The following RFC1 variants were observed in gnomAD, a reference collection of about 807,000 sequenced individuals.
RFC1 encodes replication factor C subunit 1, also known as A1 140 kDa subunit.
In RFC1, 37 loss-of-function variants were observed where a neutral mutation model predicts 137.4. That is an observed-to-expected ratio of 0.27 (90% CI 0.21 to 0.35). The LOEUF (loss-of-function observed/expected upper bound fraction) is 0.35, where lower values mean the gene tolerates loss of function less well. Ranked by LOEUF, RFC1 falls within the 10% of genes least tolerant of loss-of-function variation. The pLI is 1.00. For missense variants in RFC1, 1,205 were observed against 1,358.5 expected, an observed-to-expected ratio of 0.89 and a Z score of 1.78; for synonymous variants, 429 against 455.7, an observed-to-expected ratio of 0.94 and a Z score of 0.75.
At chr4:39,323,272 G>A (rs1362338538) in intron 7 of RFC1, 68 bp downstream of exon 7, 1 of 1,182,472 alleles carries the variant, frequency 8.5e-7, no homozygotes. Context: ...CTAGAGCCTA[G>A]AACACGCAAG....
rs1488617228 is a variant in RFC1, at chr4:39,308,907, C to T, written c.1614G>A (p.Leu538=). The change falls in exon 13 of 25, where the codon TTG becomes TTA. Residue 538 remains leucine, a synonymous_variant. Transcript: ENST00000349703. Reference sequence around the variant, plus strand: ...CTGTTTCCTTTTTTATTGTCTTTGCCAAACTGTCCCTTTTGGAAGTCGGCC... The same window carrying T: ...CTGTTTCCTTTTTTATTGTCTTTGCTAAACTGTCCCTTTTGGAAGTCGGCC... ...KSRPTSKRDS[L]AKTIKKETDV... 2 of 1,614,116 alleles carry T rather than the reference C, an allele frequency of 1.2e-6. No homozygotes were observed. The highest frequency in any genetic ancestry group is 1.7e-6 in the Non-Finnish European group (2 of 1,180,036).
chr4:39,354,457 C>G (rs968484943), intron 1 of RFC1, among the ~76,000 whole-genome samples: 2 of 152,142 alleles, frequency 1.3e-5, no homozygotes, highest in South Asian at 4.1e-4. Flanking sequence ...CTTGCCTGCA[C>G]AGAATAATTC....
At chr4:39,316,835 G>A in intron 10 of RFC1, 80 bp downstream of exon 10, 1 of 804,488 alleles carries the variant, frequency 1.2e-6, no homozygotes, top group Non-Finnish European at 2.1e-6. Context: ...ATCCTCTGCT[G>A]CTATAATCAT....
intron 2 of RFC1, among the ~76,000 whole-genome samples, chr4:39,348,745 C>G (rs1741035116): frequency 6.6e-6 from 1 of 152,140 alleles, no homozygotes; most frequent in South Asian, 2.1e-4. Context: ...TTGGTTTCAA[C>G]AGATGAGACA....
chr4:39,301,428 G>A (rs1738356728), intron 19 of RFC1, among the ~76,000 whole-genome samples: 1 of 152,172 alleles, frequency 6.6e-6, no homozygotes, highest in Non-Finnish European at 1.5e-5. Context: ...TGTCAACTAC[G>A]GACTCTGGGT....
At chr4:39,291,883 C>T in intron 22 of RFC1, 31 bp from the exon 23 acceptor site, 2 of 1,517,932 alleles carry the variant, frequency 1.3e-6, no homozygotes, top group Non-Finnish European at 1.8e-6. Context: ...ACATAGTCAA[C>T]AGCAAAGTAT....
intron 6 of RFC1, 74 bp from the exon 7 acceptor site, chr4:39,323,491 T>G: frequency 8.0e-7 from 1 of 1,244,842 alleles, no homozygotes; most frequent in East Asian, 2.4e-5. Context: ...AATGTCTGAT[T>G]CATATATTTA....
intron 22 of RFC1, 31 bp downstream of exon 22, chr4:39,295,582 TA>T (rs762417401): frequency 1.8e-4 from 283 of 1,553,334 alleles, no homozygotes; most frequent in Non-Finnish European, 1.8e-4. Context: ...ACCAAATCGA[TA>T]AAATACCCGA....
chr4:39,299,447 A>G (rs940858424), intron 21 of RFC1, among the ~76,000 whole-genome samples: 39 of 151,886 alleles, frequency 2.6e-4, no homozygotes, highest in African/African-American at 8.7e-4. Flanking sequence ...CCCTGTCGCT[A>G]CTAAAAATAC....
At chr4:39,324,693 G>A (rs1242546944) in intron 6 of RFC1, among the ~76,000 whole-genome samples, 2 of 152,212 alleles carry the variant, frequency 1.3e-5, no homozygotes, top group African/African-American at 4.8e-5. Flanking sequence ...CAATGGTTGA[G>A]TGAGACATAA....
At chr4:39,356,662 T>C (rs1464923022) in intron 1 of RFC1, among the ~76,000 whole-genome samples, 3 of 152,228 alleles carry the variant, frequency 2.0e-5, no homozygotes, top group African/African-American at 7.2e-5. Context: ...GTTTCTATAA[T>C]TGATTTTCTG....
intron 5 of RFC1, among the ~76,000 whole-genome samples, chr4:39,327,066 A>AATTT (rs1255550918): frequency 8.5e-5 from 13 of 152,182 alleles, no homozygotes; most frequent in Non-Finnish European, 2.9e-5. Flanking sequence ...CTTTCACCAT[A>AATTT]ATTTATCTGG....
At chr4:39,321,431 A>C (rs1739518768) in intron 7 of RFC1, 57 bp from the exon 8 acceptor site, 52 of 1,506,872 alleles carry the variant, frequency 3.5e-5, no homozygotes, top group Non-Finnish European at 4.5e-5. Context: ...TATTACCATA[A>C]AATCTGTTGT....
intron 1 of RFC1, among the ~76,000 whole-genome samples, chr4:39,362,457 A>ATATATCTATC (rs1300762078): frequency 6.6e-6 from 1 of 152,244 alleles, no homozygotes; most frequent in African/African-American, 2.4e-5. Flanking sequence ...TCAATGGAAC[A>ATATATCTATC]GAACTGGGAG....
chr4:39,326,506 A>G (rs764120920), intron 6 of RFC1, 57 bp downstream of exon 6: 89 of 1,406,932 alleles, frequency 6.3e-5, no homozygotes, highest in Non-Finnish European at 8.4e-5. Context: ...ACCTGGCTGG[A>G]CTAAATAGCT....
intron 22 of RFC1, among the ~76,000 whole-genome samples, chr4:39,292,658 A>C (rs1201933776): frequency 6.6e-6 from 1 of 151,066 alleles, no homozygotes; most frequent in East Asian, 1.9e-4. Context: ...TTATTTATTT[A>C]AAGACGAAGC....
At chr4:39,337,547 TATACA>T (rs1391776453) in intron 4 of RFC1, among the ~76,000 whole-genome samples, 1 of 152,074 alleles carries the variant, frequency 6.6e-6, no homozygotes, top group Non-Finnish European at 1.5e-5. Context: ...TAGTTTCTTT[TATACA>T]GAATTTTAGT....
At chr4:39,308,146 A>C (rs1738779174) in intron 13 of RFC1, among the ~76,000 whole-genome samples, 1 of 152,156 alleles carries the variant, frequency 6.6e-6, no homozygotes, top group South Asian at 2.1e-4. Flanking sequence ...TCTGTTATTT[A>C]TTCACAGCTT....
chr4:39,326,147 G>A (rs887424963), intron 6 of RFC1, among the ~76,000 whole-genome samples: 1 of 152,146 alleles, frequency 6.6e-6, no homozygotes, highest in African/African-American at 2.4e-5. Context: ...GTTGCAATTA[G>A]CCAGATTATG....
Sources: gnomAD v4.1 joint callset for allele counts (sites outside exome capture counted in the v4.1 genomes callset) on GRCh38, gnomAD v4.1.1 for gene constraint, MANE v1.5 for transcripts, NCBI Gene and HGNC (gene_info 2026-07-23, HGNC 2026-07-21) for gene names.